NKAIN3: variants seen among roughly 807,000 people sequenced by gnomAD.
The protein encoded by NKAIN3 is sodium/potassium transporting ATPase interacting 3, also known as sodium/potassium-transporting ATPase subunit beta-1-interacting protein 3.
In NKAIN3, 25 loss-of-function variants were observed where a neutral mutation model predicts 30.2. That is an observed-to-expected ratio of 0.83 (90% CI 0.60 to 1.16). The LOEUF (loss-of-function observed/expected upper bound fraction) is 1.16, where lower values mean the gene tolerates loss of function less well. NKAIN3 is among the 50% of genes most tolerant of loss of function. The pLI, the probability that NKAIN3 is intolerant of heterozygous loss-of-function variation, is 0.00. For missense variants in NKAIN3, 225 were observed against 254.1 expected (o/e 0.89, Z 0.78); for synonymous variants, 91 against 89.6 (o/e 1.02, Z -0.09).
chr8:62,357,596 A>G (rs1816400504), intron 1 of NKAIN3, among the ~76,000 whole-genome samples: 1 of 152,104 alleles, frequency 6.6e-6, no homozygotes, highest in African/African-American at 2.4e-5. Context: ...TGTTTGGCAA[A>G]ACATCTGTTA....
At position 62,636,899 on chromosome 8, in the gene NKAIN3, TTAACTC is replaced by T. The variant is rs554291708; in HGVS notation, c.273+47108_273+47113del. The stretch of plus-strand genomic sequence containing the variant: ...GTTACCTAAACTCATTTTATTGTGA[TTAACTC>T]TATACTCTCTCACTTATAATTGCTT... On this transcript the variant is annotated intron_variant, in intron 3 of 6. Transcript: ENST00000623646. Among the ~76,000 whole-genome samples, 18 of 152,346 alleles carry T rather than the reference TTAACTC, an allele frequency of 1.2e-4. No homozygotes were observed. The South Asian group carries it at 3.3e-3, about 28-fold the overall frequency.
chr8:62,264,858 CCATGAAT>C (rs1382001036), intron 1 of NKAIN3, among the ~76,000 whole-genome samples: 1 of 152,258 alleles, frequency 6.6e-6, no homozygotes, highest in East Asian at 1.9e-4. Flanking sequence ...CTGCGTCACA[CCATGAAT>C]CTTTCTCACT....
Position 62,366,957 on chromosome 8 carries a change from A to G in NKAIN3, c.54+117830A>G, listed in dbSNP as rs373316677. Among the ~76,000 whole-genome samples, 339 of 152,114 alleles carry G rather than the reference A, an allele frequency of 2.2e-3. 10 individuals are homozygous for G. The South Asian group carries it at 0.067, about 30-fold the overall frequency. On this transcript the variant is annotated intron_variant, in intron 1 of 6. Coordinates refer to ENST00000623646, the MANE Select transcript of NKAIN3 (RefSeq NM_001304533.3). ...TCAATTTATTTTTTGACTCTTGGTT[A>G]TTTAGGAGCATGTTGTTTCATTTCC...
At chr8:62,507,314 T>C (rs1439267870) in intron 1 of NKAIN3, among the ~76,000 whole-genome samples, 1 of 152,196 alleles carries the variant, frequency 6.6e-6, no homozygotes, top group African/African-American at 2.4e-5. Context: ...GGACTTATCT[T>C]AGAACAACGT....
chr8:62,260,191 T>G (rs912873027), intron 1 of NKAIN3, among the ~76,000 whole-genome samples: 1 of 152,030 alleles, frequency 6.6e-6, no homozygotes, highest in African/African-American at 2.4e-5. Context: ...ACAGTAATAA[T>G]TTGGTATTGA....
chr8:62,277,421 G>C (rs1350851382), intron 1 of NKAIN3, among the ~76,000 whole-genome samples: 2 of 152,118 alleles, frequency 1.3e-5, no homozygotes, highest in Non-Finnish European at 2.9e-5. Flanking sequence ...AGCTACTAAT[G>C]ACTGTCTCCC....
At chr8:62,529,555 C>G (rs1472872598) in intron 1 of NKAIN3, among the ~76,000 whole-genome samples, 1 of 152,066 alleles carries the variant, frequency 6.6e-6, no homozygotes, top group African/African-American at 2.4e-5. Flanking sequence ...GTGCCCCTTC[C>G]CCCTTCCACC....
At position 62,862,139 on chromosome 8, in the gene NKAIN3, A is replaced by G. The variant is rs555089200; in HGVS notation, c.472-56314A>G. On this transcript the variant is annotated intron_variant, in intron 4 of 6. Transcript: ENST00000623646. ...AAAAACAATATTAATAAAACTAGAC[A>G]GCTTCCCCTCTGTATTTTAAAGCAG... Among the ~76,000 whole-genome samples the G allele has an allele frequency of 7.7e-4, 117 of 152,318 alleles. 1 individual carries two copies. Among genetic ancestry groups the G allele is most frequent in the African/African-American group, 2.5e-3 (106 of 41,574 alleles).
intron 4 of NKAIN3, among the ~76,000 whole-genome samples, chr8:62,779,778 A>G (rs1330394909): frequency 3.9e-5 from 6 of 152,140 alleles, no homozygotes; most frequent in African/African-American, 9.7e-5. Context: ...TCATACCACA[A>G]TGGAACAAAA....
chr8:62,925,709 C>T (rs761408314), intron 5 of NKAIN3, among the ~76,000 whole-genome samples: 3 of 152,192 alleles, frequency 2.0e-5, no homozygotes, highest in Non-Finnish European at 4.4e-5. Flanking sequence ...AGCTCTGACA[C>T]TGCAGTTCTA....
At chr8:62,731,700 G>T (rs943099086) in intron 3 of NKAIN3, among the ~76,000 whole-genome samples, 8 of 152,142 alleles carry the variant, frequency 5.3e-5, no homozygotes, top group Non-Finnish European at 1.0e-4. Context: ...GCAAAAGCCA[G>T]TGCCCTTTGG....
intron 1 of NKAIN3, among the ~76,000 whole-genome samples, chr8:62,424,077 C>T (rs1056394532): frequency 2.4e-4 from 37 of 151,942 alleles, no homozygotes; most frequent in African/African-American, 8.7e-4. Context: ...CTCCCAGGCT[C>T]TTCACAATTA....
At chr8:62,750,625 C>A (rs994700626) in intron 4 of NKAIN3, among the ~76,000 whole-genome samples, 5 of 152,152 alleles carry the variant, frequency 3.3e-5, no homozygotes, top group African/African-American at 1.2e-4. Context: ...TCCCCCGGCT[C>A]TCAGGCTGAG....
chr8:62,842,616 A>G (rs1819567501), intron 4 of NKAIN3, among the ~76,000 whole-genome samples: 1 of 152,180 alleles, frequency 6.6e-6, no homozygotes, highest in Non-Finnish European at 1.5e-5. Context: ...AATGTTTTAT[A>G]AAAGTGATTA....
chr8:62,886,179 G>A (rs1446752590), intron 4 of NKAIN3, among the ~76,000 whole-genome samples: 2 of 149,856 alleles, frequency 1.3e-5, no homozygotes, highest in African/African-American at 2.5e-5. Flanking sequence ...TTTAGTGATT[G>A]CCCTAGACTT....
chr8:62,403,877 T>G (rs1803968933), intron 1 of NKAIN3, among the ~76,000 whole-genome samples: 1 of 152,196 alleles, frequency 6.6e-6, no homozygotes, highest in Non-Finnish European at 1.5e-5. Flanking sequence ...GCTTGCACCA[T>G]GTGCCTGGAA....
At chr8:62,545,565 TAAATAAATAAATAATG>T (rs1216158419) in intron 1 of NKAIN3, among the ~76,000 whole-genome samples, 1 of 152,168 alleles carries the variant, frequency 6.6e-6, no homozygotes, top group Non-Finnish European at 1.5e-5. Context: ...CAAGACTGTC[TAAATAAATAAATAATG>T]AAATAAATAA....
intron 5 of NKAIN3, among the ~76,000 whole-genome samples, chr8:62,928,351 G>A (rs970390931): frequency 2.6e-5 from 4 of 151,248 alleles, no homozygotes; most frequent in East Asian, 1.9e-4. Flanking sequence ...TCTCTTTCTC[G>A]CTGATTTTAA....
rs985221725 is a variant in NKAIN3 at position 62,788,574 on chromosome 8, A to G, written c.471+41445A>G. Among the ~76,000 whole-genome samples, 77 of 152,090 alleles carry G rather than the reference A, an allele frequency of 5.1e-4. 3 individuals are homozygous for G. Among genetic ancestry groups the G allele is most frequent in the Non-Finnish European group, 1.6e-4 (11 of 68,026 alleles). ...TTTGTCAATTTTGGCTTTTGTTGCC[A>G]TTGCTTTTGGTGTTTTAGACATGAA... On this transcript the variant is annotated intron_variant, in intron 4 of 6. Coordinates refer to ENST00000623646, the MANE Select transcript of NKAIN3 (RefSeq NM_001304533.3).
Sources: gnomAD v4.1 joint callset for allele counts (sites outside exome capture counted in the v4.1 genomes callset) on GRCh38, gnomAD v4.1.1 for gene constraint, MANE v1.5 for transcripts, NCBI Gene and HGNC (gene_info 2026-07-23, HGNC 2026-07-21) for gene names.